The following ANKS1B variants were observed in gnomAD, a reference collection of about 807,000 sequenced individuals.
ANKS1B encodes ankyrin repeat and sterile alpha motif domain-containing protein 1B.
ANKS1B carries 36 observed loss-of-function variants against 148.3 expected under a neutral mutation model. The observed-to-expected ratio is 0.24, with a 90% CI of 0.19 to 0.32. ANKS1B has a LOEUF of 0.32. Ranked by LOEUF, ANKS1B falls within the 10% of genes least tolerant of loss-of-function variation. The pLI is 1.00. For synonymous variants in ANKS1B, 542 were observed against 560.8 expected, an observed-to-expected ratio of 0.97 and a Z score of 0.47; for missense variants, 1,157 against 1,542.6, an observed-to-expected ratio of 0.75 and a Z score of 4.19.
intron 17 of ANKS1B, among the ~76,000 whole-genome samples, chr12:99,020,738 G>T (rs2099945309): frequency 6.6e-6 from 1 of 152,074 alleles, no homozygotes; most frequent in Non-Finnish European, 1.5e-5. Flanking sequence ...CTAAAAGAAT[G>T]AATGAATGAT....
chr12:99,616,851 G>C (rs1325791591), intron 9 of ANKS1B, among the ~76,000 whole-genome samples: 2 of 152,066 alleles, frequency 1.3e-5, no homozygotes, highest in Non-Finnish European at 2.9e-5. Flanking sequence ...GGAGTGAACA[G>C]GCAACCTACA....
chr12:98,835,682 G>T (rs1463748169), intron 17 of ANKS1B, among the ~76,000 whole-genome samples: 1 of 152,194 alleles, frequency 6.6e-6, no homozygotes, highest in Non-Finnish European at 1.5e-5. Flanking sequence ...CTTCATTGCT[G>T]TCTCCTCCAT....
chr12:99,789,954 G>A (rs2065450333), intron 4 of ANKS1B, among the ~76,000 whole-genome samples: 3 of 152,112 alleles, frequency 2.0e-5, no homozygotes. Context: ...TATTCAAAGT[G>A]ATAATATTGG....
intron 12 of ANKS1B, among the ~76,000 whole-genome samples, chr12:99,269,118 A>G (rs915368862): frequency 6.6e-6 from 1 of 152,172 alleles, no homozygotes; most frequent in Non-Finnish European, 1.5e-5. Flanking sequence ...TACATTCTCT[A>G]ATTCTTATCT....
rs1005987857 is a variant in ANKS1B at position 99,560,992 on chromosome 12, G to A, written c.1273-56351C>T. Among the ~76,000 whole-genome samples the A allele has an allele frequency of 1.1e-4, 17 of 151,674 alleles. No individual in the cohort carries two copies. In the South Asian group the frequency reaches 2.7e-3, roughly 24 times the overall value. ...CTCCTGAGTAGCTGGGACTACAGGC[G>A]CCTGCCACCATGCCCAGCTAATTTT... is the stretch of plus-strand genomic sequence containing the variant. On this transcript the variant is annotated intron_variant, in intron 9 of 26. Transcript: ENST00000683438.
At chr12:99,052,456 G>A (rs564148719) in intron 17 of ANKS1B, among the ~76,000 whole-genome samples, 6 of 152,000 alleles carry the variant, frequency 3.9e-5, no homozygotes, top group African/African-American at 1.4e-4. Context: ...GGCCGGGCGC[G>A]GTGGCTCACG....
chr12:99,908,906 TCTGTACATTGGATCTCTAGACATG>T (rs1275093789), intron 1 of ANKS1B, among the ~76,000 whole-genome samples: 24 of 152,284 alleles, frequency 1.6e-4, no homozygotes, highest in Admixed American at 2.0e-4. Context: ...GTGATATCAT[TCTGTACATTGGATCTCTAGACATG>T]CTGTACATTG....
At chr12:99,143,491 T>A (rs1377926333) in intron 15 of ANKS1B, among the ~76,000 whole-genome samples, 1 of 152,134 alleles carries the variant, frequency 6.6e-6, no homozygotes, top group Non-Finnish European at 1.5e-5. Context: ...GTGTTGTTTC[T>A]GTGTCTTTGT....
At chr12:99,548,478 A>C (rs1368052172) in intron 9 of ANKS1B, among the ~76,000 whole-genome samples, 1 of 152,186 alleles carries the variant, frequency 6.6e-6, no homozygotes, top group Non-Finnish European at 1.5e-5. Flanking sequence ...AGACAATAGA[A>C]ATCCCCCCAC....
At position 98,757,943 on chromosome 12, in the gene ANKS1B, T is replaced by TGTGTGTGTGTGTGCAC. The variant is rs552452713; in HGVS notation, c.3580-6422_3580-6421insGTGCACACACACACAC. Among the ~76,000 whole-genome samples the TGTGTGTGTGTGTGCAC allele has an allele frequency of 5.6e-4, 85 of 152,134 alleles. 1 individual carries two copies. The Middle Eastern group carries it at 0.014, about 24-fold the overall frequency. ...ATGTGTGTGCATGTGTGCACGTGTG[T>TGTGTGTGTGTGTGCAC]GTGTGTGTGTGTGTGCACACGGGGT... On this transcript the variant is annotated intron_variant, in intron 25 of 26. Transcript: ENST00000683438.
At chr12:99,084,817 G>A (rs1385602561) in intron 16 of ANKS1B, 108 bp downstream of exon 16, 32 of 765,734 alleles carry the variant, frequency 4.2e-5, no homozygotes, top group Non-Finnish European at 6.1e-5. Context: ...TCTTGAGGTT[G>A]CATCAATATG....
In ANKS1B at chr12:99,984,284, T is replaced by TGCGGG; in HGVS notation, c.-48_-47insCCCGC. On this transcript the variant is annotated 5_prime_UTR_variant, in exon 1 of 27. Transcript: ENST00000683438. ...CAGAGTCCTTGCCCCCCTCGGGTCC[T>TGCGGG]CCTCCCCACCCACCCCCACTCCCCA... 1 of 1,402,308 alleles carries TGCGGG rather than the reference T, an allele frequency of 7.1e-7. No homozygotes were observed. The highest frequency in any genetic ancestry group is 9.5e-7 in the Non-Finnish European group (1 of 1,049,366). 86.9% of individuals were successfully genotyped at this position (1,402,308 alleles called of 1,614,324 possible).
chr12:99,679,852 C>T (rs1043063671), intron 8 of ANKS1B, among the ~76,000 whole-genome samples: 1 of 152,184 alleles, frequency 6.6e-6, no homozygotes, highest in African/African-American at 2.4e-5. Context: ...ACTTGCAGCA[C>T]CCACTCGGAT....
intron 16 of ANKS1B, among the ~76,000 whole-genome samples, chr12:99,080,383 G>C (rs534758687): frequency 7.9e-4 from 121 of 152,306 alleles, no homozygotes; most frequent in African/African-American, 2.8e-3. Flanking sequence ...AAGCCCTTGA[G>C]GGATTAGTGG....
intron 1 of ANKS1B, among the ~76,000 whole-genome samples, chr12:99,972,681 C>T (rs2095574356): frequency 6.6e-6 from 1 of 152,194 alleles, no homozygotes; most frequent in African/African-American, 2.4e-5. Flanking sequence ...GAAGCTGCAG[C>T]AAGTTATCCA....
intron 12 of ANKS1B, among the ~76,000 whole-genome samples, chr12:99,257,680 C>A (rs2075430610): frequency 6.6e-6 from 1 of 152,016 alleles, no homozygotes; most frequent in Admixed American, 6.6e-5. Flanking sequence ...TTGTTGATAT[C>A]TACTTATAGT....
At chr12:99,595,780 A>G (rs1019699850) in intron 9 of ANKS1B, among the ~76,000 whole-genome samples, 7 of 151,972 alleles carry the variant, frequency 4.6e-5, no homozygotes, top group African/African-American at 1.7e-4. Context: ...CTTTGTGCAT[A>G]GTACATAGCA....
At chr12:99,491,805 C>T (rs555867140) in intron 10 of ANKS1B, among the ~76,000 whole-genome samples, 3 of 152,166 alleles carry the variant, frequency 2.0e-5, no homozygotes, top group East Asian at 1.9e-4. Context: ...TGCTCCTGAA[C>T]GACTTTTGGG....
intron 17 of ANKS1B, among the ~76,000 whole-genome samples, chr12:98,832,342 G>A (rs1459043530): frequency 6.6e-6 from 1 of 152,138 alleles, no homozygotes; most frequent in Non-Finnish European, 1.5e-5. Flanking sequence ...GGGGCACAAA[G>A]AGAAGGGAGG....
Sources: allele counts gnomAD v4.1 joint callset (sites outside exome capture counted in the v4.1 genomes callset), GRCh38; gene constraint gnomAD v4.1.1; transcripts MANE v1.5; gene names NCBI Gene and HGNC (gene_info 2026-07-23, HGNC 2026-07-21).